The following TECPR1 variants were observed in gnomAD, a reference collection of about 807,000 sequenced individuals.
The protein encoded by TECPR1 is tectonin beta-propeller repeat-containing protein 1.
Under a neutral mutation model 162.4 loss-of-function variants are expected in TECPR1, and 122 were observed. The ratio of observed to expected loss-of-function variants is 0.75; its 90% CI spans 0.65 to 0.87. TECPR1 has a LOEUF of 0.87. Among genes scored for constraint, TECPR1 ranks in the 40% least tolerant of loss-of-function variants. The probability of loss-of-function intolerance (pLI) is 0.00; values close to 1 mark genes in which losing one functional copy is unlikely to be tolerated. For missense variants in TECPR1, 1,432 were observed against 1,618.2 expected (o/e 0.88, Z 1.97); for synonymous variants, 642 against 670.6 (o/e 0.96, Z 0.66).
At chr7:98,237,765 G>A (rs529702298) in intron 9 of TECPR1, among the ~76,000 whole-genome samples, 1 of 150,120 alleles carries the variant, frequency 6.7e-6, no homozygotes, top group South Asian at 2.1e-4. Flanking sequence ...CACTGTGCCC[G>A]GAATGTTTTT....
At chr7:98,223,253 A>G (rs1798187840) in intron 20 of TECPR1, 83 bp from the exon 21 acceptor site, 1 of 1,405,498 alleles carries the variant, frequency 7.1e-7, no homozygotes. Context: ...AGCCAGGAGG[A>G]GGAAAGCAGC....
chr7:98,235,817 G>A (rs1439958676), intron 10 of TECPR1, among the ~76,000 whole-genome samples: 5 of 58,508 alleles, frequency 8.5e-5, no homozygotes, highest in African/African-American at 1.9e-4. Context: ...ATGACAGAGT[G>A]AGACTGTCTC....
chr7:98,224,534 T>C (rs954597966), intron 19 of TECPR1, among the ~76,000 whole-genome samples: 1 of 152,154 alleles, frequency 6.6e-6, no homozygotes, highest in Non-Finnish European at 1.5e-5. Flanking sequence ...GGGATGAACG[T>C]GGCGTGGGGG....
intron 9 of TECPR1, 66 bp downstream of exon 9, chr7:98,238,443 G>A (rs1584348046): frequency 1.5e-6 from 2 of 1,309,552 alleles, no homozygotes; most frequent in African/African-American, 2.9e-5. Flanking sequence ...CTAGGCTATT[G>A]GGTGGCATCA....
In TECPR1 at chr7:98,232,042, G is replaced by C; in HGVS notation, c.1819-83C>G. 10 of 1,468,696 alleles carry C rather than the reference G, an allele frequency of 6.8e-6. No homozygotes were observed. The highest frequency in any genetic ancestry group is 9.1e-6 in the Non-Finnish European group (10 of 1,093,414). 91.0% of individuals were successfully genotyped at this position (1,468,696 alleles called of 1,614,324 possible). A position where few individuals can be genotyped will look rare whatever the true frequency, so the allele number is the denominator to read the frequency against. Reference sequence around the variant, plus strand: ...AGGGCGGGGCTGGGGGTGCCCAGAGGAGGAGGCAGGGCTGGGGTAGGGCCC... The same window carrying C: ...AGGGCGGGGCTGGGGGTGCCCAGAGCAGGAGGCAGGGCTGGGGTAGGGCCC... On this transcript the variant is annotated intron_variant, in intron 12 of 25. Transcript: ENST00000447648. The surrounding 1 kb of genome is among the most constrained non-coding windows in gnomAD (Gnocchi z 4.6).
chr7:98,221,063 A>G (rs1798127646), intron 23 of TECPR1, among the ~76,000 whole-genome samples: 1 of 148,820 alleles, frequency 6.7e-6, no homozygotes, highest in Admixed American at 6.7e-5. Flanking sequence ...GCACTTTGGG[A>G]GGCCGAGGTG....
At chr7:98,243,327 G>T in intron 6 of TECPR1, 140 bp downstream of exon 6, 1 of 1,203,694 alleles carries the variant, frequency 8.3e-7, no homozygotes, top group Non-Finnish European at 1.1e-6. Context: ...TGGGGGCTCG[G>T]AGGAGAGAAA....
chr7:98,231,245 G>A lies in TECPR1; in HGVS notation c.2103C>T (p.Thr701=), dbSNP rs760299977. The A allele has an allele frequency of 1.6e-5, 26 of 1,612,766 alleles. No individual in the cohort carries two copies. Among genetic ancestry groups the A allele is most frequent in the Middle Eastern group, 1.6e-4 (1 of 6,080 alleles). The change falls in exon 14 of 26, where the codon ACC becomes ACT. Residue 701 remains threonine (T), a synonymous_variant. Transcript: ENST00000447648. ...QRWPVRLAAA[T]EQDMNDWLAL... is the part of the protein sequence containing the mutation. Reference sequence around the variant, plus strand: ...TCACCCAGTCATTCATGTCCTGCTCGGTGGCAGCAGCCAGACGCACCGGCC... The same window carrying A: ...TCACCCAGTCATTCATGTCCTGCTCAGTGGCAGCAGCCAGACGCACCGGCC...
intron 22 of TECPR1, 66 bp from the exon 23 acceptor site, chr7:98,221,819 G>A: frequency 7.5e-7 from 1 of 1,339,772 alleles, no homozygotes; most frequent in South Asian, 1.2e-5. Flanking sequence ...GTGGGGCTGT[G>A]GGCCTCGGTC....
At position 98,222,536 on chromosome 7, in the gene TECPR1, G is replaced by T; in HGVS notation, c.2929-15C>A. ...CAGGAGGAGCCCTGGGGATAGCAAG[G>T]AGGGGCGCTGAGGTCACCAGGGCCC... On this transcript the variant is annotated splice_polypyrimidine_tract_variant and intron_variant, in intron 21 of 25. Transcript: ENST00000447648. The T allele has an allele frequency of 6.4e-7, 1 of 1,560,020 alleles. No homozygotes were observed. The highest frequency in any genetic ancestry group is 8.7e-7 in the Non-Finnish European group (1 of 1,153,522).
intron 5 of TECPR1, among the ~76,000 whole-genome samples, chr7:98,243,982 G>C (rs1033713105): frequency 2.0e-5 from 3 of 152,140 alleles, no homozygotes. Flanking sequence ...AGGATTGCTT[G>C]AGCTCAGGAG....
chr7:98,243,927 G>A (rs945537783), intron 5 of TECPR1, among the ~76,000 whole-genome samples: 2 of 152,194 alleles, frequency 1.3e-5, no homozygotes, highest in African/African-American at 4.8e-5. Context: ...ACCGGGCATG[G>A]TGGTGCATGC....
At chr7:98,236,966 G>A (rs139851683) in intron 9 of TECPR1, 45 bp from the exon 10 acceptor site, 98 of 1,481,178 alleles carry the variant, frequency 6.6e-5, no homozygotes, top group African/African-American at 1.4e-4. Flanking sequence ...GCGCAGGCCC[G>A]GGGGCTCTTC....
Position 98,235,840 on chromosome 7 carries a change from A to AC in TECPR1, c.1181+935_1181+936insG, listed in dbSNP as rs1201427690. On this transcript the variant is annotated intron_variant, in intron 10 of 25. Coordinates refer to ENST00000447648, the MANE Select transcript of TECPR1 (RefSeq NM_015395.3). ...GTGAGACTGTCTCAAAAAAAAAAAAAAAAAAAAAAAACACCATCTGAGCAG... is the reference window on the plus strand; with the variant it reads ...GTGAGACTGTCTCAAAAAAAAAAAAACAAAAAAAAAAACACCATCTGAGCAG... 4.6e-4 allele frequency among the ~76,000 whole-genome samples: 61 copies of AC among 131,332 alleles called. 1 individual carries two copies. The East Asian group carries it at 7.1e-3, about 15-fold the overall frequency. 86.2% of individuals were successfully genotyped at this position (131,332 alleles called of 152,430 possible). A position where few individuals can be genotyped will look rare whatever the true frequency, so the allele number is the denominator to read the frequency against.
At chr7:98,242,888 A>ACACC (rs1798796278) in intron 6 of TECPR1, among the ~76,000 whole-genome samples, 1 of 9,706 alleles carries the variant, frequency 1.0e-4, no homozygotes, top group Non-Finnish European at 3.4e-4. Flanking sequence ...ATCTACCCAT[A>ACACC]CACCCACCCA....
Position 98,221,657 on chromosome 7 carries a change from T to A in TECPR1, c.3157+4A>T, listed in dbSNP as rs1798144479. ...ATTAAAAATTTAAAAAAAGAGCAAC[T>A]TGCCATTCTCATCCAGGGCATACAC... On this transcript the variant is annotated splice_donor_region_variant and intron_variant, in intron 23 of 25. Transcript: ENST00000447648. 1 of 1,612,416 alleles carries A rather than the reference T, an allele frequency of 6.2e-7. No homozygotes were observed. Among genetic ancestry groups the A allele is most frequent in the African/African-American group, 1.3e-5 (1 of 74,738 alleles).
Position 98,235,849 on chromosome 7 carries a change from A to AAAAACAAC in TECPR1, c.1181+926_1181+927insGTTGTTTT. 2.0e-3 allele frequency among the ~76,000 whole-genome samples: 222 copies of AAAAACAAC among 110,272 alleles called. 32 individuals carry two copies. The highest frequency in any genetic ancestry group is 4.0e-3 in the Non-Finnish European group (195 of 48,526). 72.3% of individuals were successfully genotyped at this position (110,272 alleles called of 152,430 possible). ...TCTCAAAAAAAAAAAAAAAAAAAAA[A>AAAAACAAC]AACACCATCTGAGCAGACTAAACCC... On this transcript the variant is annotated intron_variant, in intron 10 of 25. Transcript: ENST00000447648.
chr7:98,227,120 G>A (rs1043131706), intron 17 of TECPR1, among the ~76,000 whole-genome samples: 1 of 152,050 alleles, frequency 6.6e-6, no homozygotes, highest in Non-Finnish European at 1.5e-5. Flanking sequence ...CAGGTCAGGT[G>A]TGGTGGCTCG....
chr7:98,224,651 C>T, intron 19 of TECPR1, 150 bp downstream of exon 19: 3 of 753,424 alleles, frequency 4.0e-6, no homozygotes, highest in South Asian at 1.9e-5. Context: ...CCTCCCCCTC[C>T]AGTAGCAGGG....
Sources: allele counts gnomAD v4.1 joint callset (sites outside exome capture counted in the v4.1 genomes callset), GRCh38; gene constraint gnomAD v4.1.1; non-coding constraint Gnocchi (gnomAD v3.1); transcripts MANE v1.5; gene names NCBI Gene and HGNC (gene_info 2026-07-23, HGNC 2026-07-21).